DOCK8: variants seen among roughly 807,000 people sequenced by gnomAD.
The protein encoded by DOCK8 is dedicator of cytokinesis 8.
Under a neutral mutation model 245.6 loss-of-function variants are expected in DOCK8, and 141 were observed. That is an observed-to-expected ratio of 0.57 (90% CI 0.50 to 0.66). The LOEUF is 0.66. Ranked by LOEUF, DOCK8 falls within the 30% of genes least tolerant of loss-of-function variation. DOCK8 has a pLI of 0.00. For synonymous variants in DOCK8, 1,168 were observed against 970.2 expected (o/e 1.20, Z -3.79); for missense variants, 2,965 against 2,603.4 (o/e 1.14, Z -3.02).
intron 1 of DOCK8, among the ~76,000 whole-genome samples, chr9:217,115 G>A (rs2046774489): frequency 6.6e-6 from 1 of 152,154 alleles, no homozygotes; most frequent in Non-Finnish European, 1.5e-5. Context: ...GGAATTTAGA[G>A]ACAGTACAGA....
rs142273430 is a variant in DOCK8, at chr9:225,447, G to A, written c.53+10418G>A. ...GTGAGGAGGGAGCCACAGTCATTCC[G>A]ATGTGAGGTAGTGAGATCTGGGATT... On this transcript the variant is annotated intron_variant, in intron 1 of 47. Coordinates refer to ENST00000432829, the MANE Select transcript of DOCK8 (RefSeq NM_203447.4). 1.9e-3 allele frequency among the ~76,000 whole-genome samples: 295 copies of A among 152,268 alleles called. 2 individuals carry two copies. The highest frequency in any genetic ancestry group is 0.013 in the Admixed American group (204 of 15,296).
intron 30 of DOCK8, 85 bp from the exon 31 acceptor site, chr9:420,316 T>G: frequency 7.0e-7 from 1 of 1,433,746 alleles, no homozygotes. Context: ...CTTTGAATTT[T>G]TCTGTTGCTT....
intron 2 of DOCK8, among the ~76,000 whole-genome samples, chr9:282,204 T>A (rs2048617576): frequency 6.6e-6 from 1 of 152,176 alleles, no homozygotes; most frequent in East Asian, 1.9e-4. Context: ...CTGCCTGTGA[T>A]CCTCTGTATC....
chr9:386,289 C>T (rs1563993303), intron 22 of DOCK8, 42 bp from the exon 23 acceptor site: 2 of 1,561,646 alleles, frequency 1.3e-6, no homozygotes, highest in Non-Finnish European at 1.8e-6. Context: ...GCTTACCTTT[C>T]CATGGTTGGT....
intron 28 of DOCK8, among the ~76,000 whole-genome samples, chr9:409,897 AG>A: frequency 6.6e-6 from 1 of 152,270 alleles, no homozygotes; most frequent in Admixed American, 6.5e-5. Flanking sequence ...ATGGCTGCAT[AG>A]TATTCCATGG....
At chr9:286,950 T>C (rs1342049994) in intron 3 of DOCK8, among the ~76,000 whole-genome samples, 1 of 152,210 alleles carries the variant, frequency 6.6e-6, no homozygotes, top group Non-Finnish European at 1.5e-5. Flanking sequence ...CTCAGTGACC[T>C]TGGCTGTCAC....
At chr9:314,208 C>G (rs2050247853) in intron 6 of DOCK8, 1 of 152,170 alleles carries the variant, frequency 6.6e-6, no homozygotes, top group East Asian at 1.9e-4. Context: ...TTTCCATCCA[C>G]GACATTAAGA....
chr9:401,067 CCAT>C (rs1465683046), intron 26 of DOCK8, among the ~76,000 whole-genome samples: 3 of 43,512 alleles, frequency 6.9e-5, no homozygotes, highest in South Asian at 1.1e-3. Context: ...ATCATTGTCA[CCAT>C]CATCACCACC....
At position 429,294 on chromosome 9, in the gene DOCK8, T is replaced by C. The variant is rs567718014; in HGVS notation, c.4474-408T>C. Among the ~76,000 whole-genome samples the C allele has an allele frequency of 1.3e-4, 20 of 152,312 alleles. 1 individual carries two copies. In the South Asian group the frequency reaches 3.9e-3, roughly 30 times the overall value. Reference sequence around the variant, plus strand: ...TTTTTCCCTTTATTGAAGATCTCAATTGGTGCCTTCTACATGGGGTCTTTT... The same window carrying C: ...TTTTTCCCTTTATTGAAGATCTCAACTGGTGCCTTCTACATGGGGTCTTTT... On this transcript the variant is annotated intron_variant, in intron 35 of 47. Coordinates refer to ENST00000432829, the MANE Select transcript of DOCK8 (RefSeq NM_203447.4).
Position 439,234 on chromosome 9 carries a change from G to A in DOCK8, c.5080-11G>A, listed in dbSNP as rs2131793446. ...CCCTGTTCTCCAGGCTTATACTGTG[G>A]TCTCTTTCAGAATATTTCTTCCAAT... On this transcript the variant is annotated splice_polypyrimidine_tract_variant and intron_variant, in intron 39 of 47. Coordinates refer to ENST00000432829, the MANE Select transcript of DOCK8 (RefSeq NM_203447.4). 2 of 1,614,140 alleles carry A rather than the reference G, an allele frequency of 1.2e-6. No homozygotes were observed. The highest frequency in any genetic ancestry group is 1.7e-6 in the Non-Finnish European group (2 of 1,180,026).
intron 2 of DOCK8, among the ~76,000 whole-genome samples, chr9:273,891 A>G (rs2048238831): frequency 6.6e-6 from 1 of 152,050 alleles, no homozygotes; most frequent in Non-Finnish European, 1.5e-5. Context: ...TTTTGAGTAG[A>G]GACGGGGTTT....
At chr9:266,579 A>G (rs1024146911) in intron 1 of DOCK8, among the ~76,000 whole-genome samples, 7 of 152,162 alleles carry the variant, frequency 4.6e-5, no homozygotes, top group Admixed American at 6.5e-5. Flanking sequence ...CTTAATGCAA[A>G]TGATCCAGCA....
intron 3 of DOCK8, 54 bp downstream of exon 3, chr9:286,690 A>G (rs1438397952): frequency 6.4e-6 from 10 of 1,564,022 alleles, no homozygotes; most frequent in East Asian, 4.5e-5. Context: ...ATTGTTTTCA[A>G]TAAGTGGGTA....
At chr9:403,892 C>CTCTCTCTCTCTCTA (rs1362630372) in intron 26 of DOCK8, among the ~76,000 whole-genome samples, 1 of 73,782 alleles carries the variant, frequency 1.4e-5, no homozygotes, top group African/African-American at 7.7e-5. Flanking sequence ...CTCTCTCTCT[C>CTCTCTCTCTCTCTA]TATATATATA....
intron 46 of DOCK8, among the ~76,000 whole-genome samples, chr9:461,357 G>T (rs1176685326): frequency 6.6e-6 from 1 of 151,678 alleles, no homozygotes; most frequent in Non-Finnish European, 1.5e-5. Flanking sequence ...ATGTGGGTTG[G>T]ATCTTCCTTA....
At chr9:280,503 TAGTC>T (rs1489814231) in intron 2 of DOCK8, among the ~76,000 whole-genome samples, 2 of 152,160 alleles carry the variant, frequency 1.3e-5, no homozygotes, top group Admixed American at 6.5e-5. Flanking sequence ...GCAGGGCAGA[TAGTC>T]AGGAAGGAAA....
intron 2 of DOCK8, among the ~76,000 whole-genome samples, chr9:277,298 G>A (rs146701155): frequency 0.017 from 2,596 of 151,952 alleles, 36 homozygotes; most frequent in South Asian, 0.022. Context: ...GGTGGCACAT[G>A]CCTTTAGTCC....
intron 2 of DOCK8, among the ~76,000 whole-genome samples, chr9:274,381 ATCTCTTGACT>A (rs1371444042): frequency 2.0e-5 from 3 of 151,484 alleles, no homozygotes; most frequent in Non-Finnish European, 4.4e-5. Flanking sequence ...CTCTTTTCCC[ATCTCTTGACT>A]TCAACTTCAG....
chr9:312,642 C>A, intron 6 of DOCK8: 1 of 358,154 alleles, frequency 2.8e-6, no homozygotes, highest in Admixed American at 3.8e-5. Context: ...CTAGGATAAT[C>A]ACAGCCCATG....
Sources: gnomAD v4.1 joint callset for allele counts (sites outside exome capture counted in the v4.1 genomes callset) on GRCh38, gnomAD v4.1.1 for gene constraint, MANE v1.5 for transcripts, NCBI Gene and HGNC (gene_info 2026-07-23, HGNC 2026-07-21) for gene names.